RXFP1: variants seen among roughly 807,000 people sequenced by gnomAD.
RXFP1 encodes the protein relaxin receptor 1.
Under a neutral mutation model 89.8 loss-of-function variants are expected in RXFP1, and 73 were observed. That is an observed-to-expected ratio of 0.81 (90% CI 0.67 to 0.99). The LOEUF (loss-of-function observed/expected upper bound fraction) is 0.99. Among genes scored for constraint, RXFP1 ranks in the 50% least tolerant of loss-of-function variants. RXFP1 has a pLI of 0.00. For missense variants in RXFP1, 793 were observed against 895.5 expected (o/e 0.89, Z 1.46); for synonymous variants, 277 against 305.5 (o/e 0.91, Z 0.97).
intron 3 of RXFP1, among the ~76,000 whole-genome samples, chr4:158,595,205 T>C (rs1760296199): frequency 6.6e-6 from 1 of 152,228 alleles, no homozygotes; most frequent in South Asian, 2.1e-4. Context: ...TTTTCTATTC[T>C]CTCCGTTTTG....
chr4:158,562,523 C>CAAAAAAAAAAAAAAAAAAAAAAAAAAAAA (rs55944906), intron 1 of RXFP1, among the ~76,000 whole-genome samples: 1 of 25,330 alleles, frequency 3.9e-5, no homozygotes, highest in Non-Finnish European at 7.1e-5. Context: ...GACTCCGTCT[C>CAAAAAAAAAAAAAAAAAAAAAAAAAAAAA]AAAAAAAAAA....
chr4:158,626,121 T>TAGAC (rs1766695531), intron 9 of RXFP1, among the ~76,000 whole-genome samples: 1 of 103,516 alleles, frequency 9.7e-6, no homozygotes, highest in Admixed American at 9.6e-5. Flanking sequence ...TATAGATAGA[T>TAGAC]AGATAGATAG....
chr4:158,569,484 G>C (rs1333946888), intron 1 of RXFP1, among the ~76,000 whole-genome samples: 1 of 152,170 alleles, frequency 6.6e-6, no homozygotes, highest in Non-Finnish European at 1.5e-5. Context: ...CACCACTCTG[G>C]ACTGGGGAGA....
At position 158,647,077 on chromosome 4, in the gene RXFP1, C is replaced by A. The variant is rs772488242; in HGVS notation, c.1632C>A (p.Phe544Leu). Reference protein sequence around the residue: ...LIWITGFIVAFIPLSNKEFFK... With the variant: ...LIWITGFIVALIPLSNKEFFK... ...GGATTACTGGTTTTATAGTGGCTTTCATTCCATTGAGCAATAAGGAATTTT... is the reference window on the plus strand; with the variant it reads ...GGATTACTGGTTTTATAGTGGCTTTAATTCCATTGAGCAATAAGGAATTTT... Residue 544 changes from phenylalanine (F) to leucine (L), a missense_variant, in exon 16 of 18, where the codon TTC (phenylalanine) becomes TTA (leucine). Phe to Leu is a conservative substitution (Grantham distance 22, BLOSUM62 0). Coordinates refer to ENST00000307765, the MANE Select transcript of RXFP1 (RefSeq NM_021634.4). 6.2e-7 allele frequency: 1 copy of A among 1,614,140 alleles called. No individual in the cohort carries two copies.
At chr4:158,622,868 A>T (rs1450629216) in intron 9 of RXFP1, among the ~76,000 whole-genome samples, 2 of 152,224 alleles carry the variant, frequency 1.3e-5, no homozygotes, top group African/African-American at 4.8e-5. Flanking sequence ...CTTACCATAA[A>T]AGAAATTAAC....
chr4:158,582,328 C>G (rs1579809910), intron 2 of RXFP1, among the ~76,000 whole-genome samples: 1 of 152,250 alleles, frequency 6.6e-6, no homozygotes, highest in South Asian at 2.1e-4. Flanking sequence ...AGTTAAAGGT[C>G]TGATTCATTT....
chr4:158,591,514 C>T (rs920136429), intron 2 of RXFP1, among the ~76,000 whole-genome samples: 1 of 147,612 alleles, frequency 6.8e-6, no homozygotes, highest in African/African-American at 2.5e-5. Context: ...TTTTCGAGGC[C>T]AAAGCAGGTA....
intron 1 of RXFP1, among the ~76,000 whole-genome samples, chr4:158,544,865 G>T (rs940732095): frequency 5.3e-5 from 8 of 152,190 alleles, no homozygotes; most frequent in Admixed American, 4.6e-4. Context: ...CATTTGGGTT[G>T]ATTCCAAGTC....
At chr4:158,642,096 C>CTT (rs144853904) in intron 14 of RXFP1, among the ~76,000 whole-genome samples, 1 of 148,868 alleles carries the variant, frequency 6.7e-6, no homozygotes, top group African/African-American at 2.5e-5. Context: ...AATATAACTT[C>CTT]TTTTTTTTTT....
In RXFP1 at chr4:158,579,779, C is replaced by T. The variant is rs940128188; in HGVS notation, c.187+6944C>T. Among the ~76,000 whole-genome samples the T allele has an allele frequency of 3.9e-5, 6 of 152,208 alleles. 1 individual carries two copies. In the South Asian group the frequency reaches 6.2e-4, roughly 16 times the overall value. ...CAGAATTTCCAATGAGCTGTTCTTA[C>T]GCATAATTGTATGTGGTATAAAACC... On this transcript the variant is annotated intron_variant, in intron 2 of 17. Transcript: ENST00000307765.
rs1249527306 is a variant in RXFP1 at position 158,608,271 on chromosome 4, ATTCCT to A, written c.536+232_536+236del. ...AGGTGTGTGATCTTGAGCAATTTGT[ATTCCT>A]TTCTTTTTTTTTTTTTTTTTTTTTT... On this transcript the variant is annotated intron_variant, in intron 6 of 17. Coordinates refer to ENST00000307765, the MANE Select transcript of RXFP1 (RefSeq NM_021634.4). 6.4e-5 allele frequency among the ~76,000 whole-genome samples: 6 copies of A among 93,364 alleles called. No individual in the cohort carries two copies. The East Asian group carries it at 1.5e-3, about 23-fold the overall frequency. The allele number at this position is 93,364 out of a possible 152,430, so 61.3% of individuals were successfully genotyped here.
intron 1 of RXFP1, among the ~76,000 whole-genome samples, chr4:158,523,133 A>G (rs1741595008): frequency 6.6e-6 from 1 of 152,152 alleles, no homozygotes; most frequent in Non-Finnish European, 1.5e-5. Context: ...TGACAGTCCT[A>G]TTTTTTAACT....
rs983978158 is a variant in RXFP1 at position 158,646,802 on chromosome 4, T to C, written c.1357T>C (p.Leu453=). ...TATGACTCCTCTAGGTGCCGACTGC[T>C]TAATGGGAATATATTTATTCGTGAT... ...SIISLCCADC[L]MGIYLFVIGG... Residue 453 remains leucine, a synonymous_variant, in exon 16 of 18, where the codon TTA becomes CTA. Transcript: ENST00000307765. The C allele has an allele frequency of 1.2e-6, 2 of 1,607,906 alleles. No individual in the cohort carries two copies. Among genetic ancestry groups the C allele is most frequent in the Non-Finnish European group, 1.7e-6 (2 of 1,175,838 alleles).
chr4:158,595,055 A>T (rs1271324972), intron 3 of RXFP1, among the ~76,000 whole-genome samples: 2 of 152,232 alleles, frequency 1.3e-5, no homozygotes, highest in Non-Finnish European at 2.9e-5. Flanking sequence ...TGATTTAACT[A>T]TTGTAGAGTT....
intron 11 of RXFP1, 105 bp from the exon 12 acceptor site, chr4:158,633,300 C>A (rs761467056): frequency 1.4e-6 from 1 of 697,502 alleles, no homozygotes; most frequent in East Asian, 2.8e-5. Flanking sequence ...ATATAACTCA[C>A]CAATGGCATT....
At chr4:158,648,866 A>T (rs1435878375) in intron 17 of RXFP1, 149 bp downstream of exon 17, 2 of 588,146 alleles carry the variant, frequency 3.4e-6, no homozygotes. Context: ...TAATCCCAGC[A>T]CTCTGGGAGG....
At chr4:158,639,849 G>A (rs1250432798) in intron 14 of RXFP1, among the ~76,000 whole-genome samples, 12 of 151,888 alleles carry the variant, frequency 7.9e-5, no homozygotes, top group Admixed American at 7.2e-4. Flanking sequence ...GACAGAGTGA[G>A]ACTCCATCTC....
intron 1 of RXFP1, among the ~76,000 whole-genome samples, chr4:158,547,289 G>A (rs1306310439): frequency 7.9e-5 from 12 of 151,966 alleles, no homozygotes; most frequent in African/African-American, 2.4e-4. Flanking sequence ...TGGGATCGGT[G>A]GTGATATGCC....
chr4:158,622,919 A>G (rs1178548349), intron 9 of RXFP1, among the ~76,000 whole-genome samples: 1 of 152,208 alleles, frequency 6.6e-6, no homozygotes, highest in Non-Finnish European at 1.5e-5. Flanking sequence ...TGGTTGTAGT[A>G]ATCAGTTTAC....
Sources: gnomAD v4.1 joint callset for allele counts (sites outside exome capture counted in the v4.1 genomes callset) on GRCh38, gnomAD v4.1.1 for gene constraint, MANE v1.5 for transcripts, NCBI Gene and HGNC (gene_info 2026-07-23, HGNC 2026-07-21) for gene names.